The following CACNA2D3 variants were observed in gnomAD, a reference collection of about 807,000 sequenced individuals.
The protein encoded by CACNA2D3 is voltage-dependent calcium channel subunit alpha-2/delta-3.
A neutral mutation model predicts 160.6 loss-of-function variants in CACNA2D3; 60 were observed. The ratio of observed to expected loss-of-function variants is 0.37; its 90% CI spans 0.30 to 0.46. The LOEUF (loss-of-function observed/expected upper bound fraction) is 0.46. Ranked by LOEUF, CACNA2D3 falls within the 20% of genes least tolerant of loss-of-function variation. The pLI is 1.00. For synonymous variants in CACNA2D3, 558 were observed against 492.9 expected, an observed-to-expected ratio of 1.13 and a Z score of -1.75; for missense variants, 1,205 against 1,365.0, an observed-to-expected ratio of 0.88 and a Z score of 1.85.
chr3:54,141,111 A>ATGCC (rs1448407310), intron 2 of CACNA2D3, among the ~76,000 whole-genome samples: 5 of 56,886 alleles, frequency 8.8e-5, no homozygotes, highest in Non-Finnish European at 1.7e-4. Context: ...GTGTGCATGC[A>ATGCC]TGCCTGAGAT....
At chr3:54,428,404 A>G (rs963291221) in intron 4 of CACNA2D3, among the ~76,000 whole-genome samples, 1 of 152,182 alleles carries the variant, frequency 6.6e-6, no homozygotes, top group Non-Finnish European at 1.5e-5. Flanking sequence ...AGGATGAGGC[A>G]CTGGGGGCCG....
intron 27 of CACNA2D3, among the ~76,000 whole-genome samples, chr3:54,906,227 A>T (rs1381607314): frequency 6.6e-6 from 1 of 152,112 alleles, no homozygotes. Context: ...GGAAGAAGTG[A>T]AAGGGAGGGA....
At chr3:54,683,138 A>G (rs1006565700) in intron 11 of CACNA2D3, among the ~76,000 whole-genome samples, 11 of 152,192 alleles carry the variant, frequency 7.2e-5, no homozygotes, top group Non-Finnish European at 1.2e-4. Flanking sequence ...ATAACTAGAA[A>G]TTCACTTCTG....
intron 11 of CACNA2D3, among the ~76,000 whole-genome samples, chr3:54,744,016 A>G (rs1281237306): frequency 6.6e-6 from 1 of 152,172 alleles, no homozygotes; most frequent in Non-Finnish European, 1.5e-5. Context: ...ACATGTGGTC[A>G]TGCAAAGGCT....
At chr3:54,150,266 C>T (rs1343894612) in intron 2 of CACNA2D3, among the ~76,000 whole-genome samples, 1 of 152,032 alleles carries the variant, frequency 6.6e-6, no homozygotes, top group East Asian at 1.9e-4. Flanking sequence ...TCTAGTTTTT[C>T]CTTTTCAGTT....
intron 11 of CACNA2D3, among the ~76,000 whole-genome samples, chr3:54,746,840 T>C (rs1224430704): frequency 2.0e-5 from 3 of 152,158 alleles, no homozygotes; most frequent in South Asian, 2.1e-4. Flanking sequence ...AAGACCCAGC[T>C]CAGCAGCTAC....
intron 2 of CACNA2D3, among the ~76,000 whole-genome samples, chr3:54,293,737 G>T (rs1234384225): frequency 6.6e-6 from 1 of 152,162 alleles, no homozygotes; most frequent in Non-Finnish European, 1.5e-5. Context: ...TGACATTCTG[G>T]AAGAGGCAGA....
intron 2 of CACNA2D3, among the ~76,000 whole-genome samples, chr3:54,319,191 CACACACACA>C (rs1703934357): frequency 6.9e-6 from 1 of 144,874 alleles, no homozygotes; most frequent in African/African-American, 2.5e-5. Flanking sequence ...CACACACACA[CACACACACA>C]CCCTTCCTCG....
chr3:54,736,311 T>TA (rs1484754638), intron 11 of CACNA2D3, among the ~76,000 whole-genome samples: 3 of 151,642 alleles, frequency 2.0e-5, no homozygotes, highest in Admixed American at 1.3e-4. Context: ...TGTACTATAA[T>TA]TTAATCCCCT....
At chr3:54,225,430 A>T (rs182528490) in intron 2 of CACNA2D3, among the ~76,000 whole-genome samples, 17 of 152,276 alleles carry the variant, frequency 1.1e-4, no homozygotes, top group Admixed American at 1.1e-3. Flanking sequence ...GTGGGACTCC[A>T]TGAGGTTAGA....
At chr3:54,861,532 C>T (rs984317959) in intron 17 of CACNA2D3, among the ~76,000 whole-genome samples, 1 of 152,106 alleles carries the variant, frequency 6.6e-6, no homozygotes, top group Non-Finnish European at 1.5e-5. Context: ...GGATTCCAGC[C>T]TAAGCAGTGA....
chr3:54,352,961 A>C (rs1003056774), intron 3 of CACNA2D3, among the ~76,000 whole-genome samples: 2 of 152,270 alleles, frequency 1.3e-5, no homozygotes, highest in Non-Finnish European at 2.9e-5. Context: ...GACATCATAA[A>C]GAATGGGGTA....
chr3:54,258,684 A>G (rs988220057), intron 2 of CACNA2D3, among the ~76,000 whole-genome samples: 17 of 151,862 alleles, frequency 1.1e-4, no homozygotes, highest in African/African-American at 4.1e-4. Flanking sequence ...AAGATCCAAC[A>G]TAAAATACAT....
chr3:54,148,974 C>CTAAAAAAAAAAAAAAAAAAAA (rs1553735007), intron 2 of CACNA2D3, among the ~76,000 whole-genome samples: 1 of 116,590 alleles, frequency 8.6e-6, no homozygotes. Flanking sequence ...AAAACTCCAT[C>CTAAAAAAAAAAAAAAAAAAAA]AAAAAAAAAA....
At chr3:54,423,754 T>C (rs1028160868) in intron 4 of CACNA2D3, among the ~76,000 whole-genome samples, 1 of 152,196 alleles carries the variant, frequency 6.6e-6, no homozygotes, top group African/African-American at 2.4e-5. Flanking sequence ...TCCAGCTTGA[T>C]GCTTTTCTCT....
At chr3:54,677,384 T>C (rs1173614573) in intron 11 of CACNA2D3, among the ~76,000 whole-genome samples, 2 of 152,200 alleles carry the variant, frequency 1.3e-5, no homozygotes, top group African/African-American at 4.8e-5. Context: ...GAGTTGATAT[T>C]TGAACTAAGG....
At chr3:54,209,492 T>G (rs1422172130) in intron 2 of CACNA2D3, among the ~76,000 whole-genome samples, 1 of 152,184 alleles carries the variant, frequency 6.6e-6, no homozygotes, top group Non-Finnish European at 1.5e-5. Flanking sequence ...CTGTACGGAG[T>G]GAGGCTGAAA....
intron 27 of CACNA2D3, among the ~76,000 whole-genome samples, chr3:54,933,775 T>C (rs1054865587): frequency 9.2e-5 from 11 of 120,042 alleles, no homozygotes; most frequent in Admixed American, 6.2e-4. Flanking sequence ...TTTTTTTTTT[T>C]TGAGACAAAG....
intron 25 of CACNA2D3, among the ~76,000 whole-genome samples, chr3:54,892,146 A>T (rs781414134): frequency 9.2e-5 from 14 of 152,326 alleles, no homozygotes; most frequent in Non-Finnish European, 1.9e-4. Flanking sequence ...GAGTCTGTTA[A>T]TAAGTTTTTT....
Sources: allele counts gnomAD v4.1 joint callset (sites outside exome capture counted in the v4.1 genomes callset), GRCh38; gene constraint gnomAD v4.1.1; transcripts MANE v1.5; gene names NCBI Gene and HGNC (gene_info 2026-07-23, HGNC 2026-07-21).